PREPL: variants seen among roughly 807,000 people sequenced by gnomAD.
PREPL encodes prolyl endopeptidase-like.
PREPL carries 77 observed loss-of-function variants against 70.6 expected under a neutral mutation model. The ratio of observed to expected loss-of-function variants is 1.09; its 90% CI spans 0.91 to 1.32. The LOEUF (loss-of-function observed/expected upper bound fraction) is 1.32, where lower values mean the gene tolerates loss of function less well. PREPL is among the 40% of genes most tolerant of loss of function. The pLI, the probability that PREPL is intolerant of heterozygous loss-of-function variation, is 0.00. For missense variants in PREPL, 1,002 were observed against 778.2 expected, an observed-to-expected ratio of 1.29 and a Z score of -3.42; for synonymous variants, 315 against 264.8, an observed-to-expected ratio of 1.19 and a Z score of -1.84.
chr2:44,338,461 C>A lies in PREPL; in HGVS notation c.778G>T (p.Val260Leu), dbSNP rs1674865285. 1 of 1,612,794 alleles carries A rather than the reference C, an allele frequency of 6.2e-7. No homozygotes were observed. Among genetic ancestry groups the A allele is most frequent in the South Asian group, 1.1e-5 (1 of 90,846 alleles). ...LFFTMKRNTK[V>L]IDLDMFKDHC... ...TCCTTAAACATGTCCAAGTCTATCACTTTTGTATTTCTCTTCATTGTAAAA... is the reference window on the plus strand; with the variant it reads ...TCCTTAAACATGTCCAAGTCTATCAATTTTGTATTTCTCTTCATTGTAAAA... The change falls in exon 7 of 14, where the codon GTG (valine) becomes TTG (leucine). Residue 260 changes from valine (V) to leucine (L), a missense_variant. Transcript: ENST00000409411.
At chr2:44,361,520 T>C (rs75295176), upstream of PREPL, 3,972 of 153,730 alleles carry the variant, frequency 0.026, 190 homozygotes, top group African/African-American at 0.091. Context: ...GAACGACAAC[T>C]TACCCAGAGC....
At chr2:44,327,327 GTCATTGC>G (rs1673614294) in intron 9 of PREPL, among the ~76,000 whole-genome samples, 1 of 152,166 alleles carries the variant, frequency 6.6e-6, no homozygotes, top group African/African-American at 2.4e-5. Flanking sequence ...GCAATGTGGT[GTCATTGC>G]TACAATACAA....
Position 44,352,196 on chromosome 2 carries a change from C to CTT in PREPL, c.-48-5808_-48-5807dup, listed in dbSNP as rs915040473. On this transcript the variant is annotated intron_variant, in intron 1 of 13. Transcript: ENST00000409411. ...CACTGCCTATTCACATCTTCCCCGT[C>CTT]TTTTTTTTCTTTTCTTCTTCGCCAT... is the stretch of plus-strand genomic sequence containing the variant. Among the ~76,000 whole-genome samples, 8 of 152,102 alleles carry CTT rather than the reference C, an allele frequency of 5.3e-5. 1 individual carries two copies. The South Asian group carries it at 1.7e-3, about 32-fold the overall frequency.
chr2:44,353,991 T>C (rs1386528892), intron 1 of PREPL, among the ~76,000 whole-genome samples: 1 of 151,978 alleles, frequency 6.6e-6, no homozygotes, highest in African/African-American at 2.4e-5. Context: ...TGAGACCCTG[T>C]CTCCACACAC....
chr2:44,326,726 C>T lies in PREPL; in HGVS notation c.1465G>A (p.Ala489Thr), dbSNP rs917347985. Residue 489 changes from alanine (A) to threonine (T), a missense_variant, in exon 10 of 14, where the codon GCG (alanine) becomes ACG (threonine). Coordinates refer to ENST00000409411, the MANE Select transcript of PREPL (RefSeq NM_001171613.2). Reference sequence around the variant, plus strand: ...AGCGTACTCACCTCCAAAGTCACCGCTCTCACCAGCTCTGGATTAGAATTA... The same window carrying T: ...AGCGTACTCACCTCCAAAGTCACCGTTCTCACCAGCTCTGGATTAGAATTA... ...LCNSNPELVR[A>T]VTLEAPFLDV... is the part of the protein sequence containing the mutation. 6.2e-7 allele frequency: 1 copy of T among 1,613,646 alleles called. No individual in the cohort carries two copies. Among genetic ancestry groups the T allele is most frequent in the African/African-American group, 1.3e-5 (1 of 74,888 alleles).
intron 1 of PREPL, among the ~76,000 whole-genome samples, chr2:44,349,560 G>C (rs1041962226): frequency 1.3e-5 from 2 of 152,102 alleles, no homozygotes; most frequent in Non-Finnish European, 2.9e-5. Flanking sequence ...AGAAAGGTAA[G>C]AAAATTAATT....
In PREPL at chr2:44,320,882, A is replaced by G. The variant is rs1672884433; in HGVS notation, c.*474T>C. 3.8e-6 allele frequency: 2 copies of G among 530,026 alleles called. No individual in the cohort carries two copies. The highest frequency in any genetic ancestry group is 2.2e-5 in the South Asian group (1 of 46,210). The allele number at this position is 530,026 out of a possible 1,614,324, so 32.8% of individuals were successfully genotyped here. On this transcript the variant is annotated 3_prime_UTR_variant, in exon 14 of 14. Coordinates refer to ENST00000409411, the MANE Select transcript of PREPL (RefSeq NM_001171613.2). ...GATAGCATCAATCAGGGATGACCAG[A>G]ACACATTAGGACCCCAGATTATTCA...
chr2:44,322,518 T>G (rs1024414719), intron 12 of PREPL, among the ~76,000 whole-genome samples: 8 of 152,272 alleles, frequency 5.3e-5, no homozygotes, highest in African/African-American at 1.9e-4. Context: ...GCCTATCTAT[T>G]TTAATACTGT....
In PREPL at chr2:44,319,434, AAATG is replaced by A. The variant is rs1250548791; in HGVS notation, c.*1918_*1921del. 1 of 152,522 alleles carries A rather than the reference AAATG, an allele frequency of 6.6e-6. No homozygotes were observed. The highest frequency in any genetic ancestry group is 1.5e-5 in the Non-Finnish European group (1 of 68,054). The allele number at this position is 152,522 out of a possible 1,614,324, so 9.4% of individuals were successfully genotyped here. ...CAAAATATTAGAAACACTATCGTCA[AAATG>A]AAAGGGCATGGCTGAGTATGGTACA... is the stretch of plus-strand genomic sequence containing the variant. On this transcript the variant is annotated 3_prime_UTR_variant, in exon 14 of 14. Transcript: ENST00000409411.
rs1672687358 is a variant in PREPL at position 44,319,002 on chromosome 2, T to C, written c.*2354A>G. On this transcript the variant is annotated 3_prime_UTR_variant, in exon 14 of 14. Transcript: ENST00000409411. The stretch of plus-strand genomic sequence containing the variant: ...TCAAGTAGACAATAATAGCTAACAC[T>C]TACCGGGCACTTCTTATGTGAGTGG... 6.6e-6 allele frequency: 1 copy of C among 152,226 alleles called. No homozygotes were observed. The highest frequency in any genetic ancestry group is 2.1e-4 in the South Asian group (1 of 4,834). 9.4% of individuals were successfully genotyped at this position (152,226 alleles called of 1,614,324 possible). A position where few individuals can be genotyped will look rare whatever the true frequency, so the allele number is the denominator to read the frequency against.
intron 10 of PREPL, among the ~76,000 whole-genome samples, chr2:44,325,632 T>C (rs1673418326): frequency 6.6e-6 from 1 of 152,118 alleles, no homozygotes; most frequent in Admixed American, 6.5e-5. Flanking sequence ...CTAGTTGCTT[T>C]GTCTTTAAAC....
intron 2 of PREPL, among the ~76,000 whole-genome samples, chr2:44,345,336 T>C (rs897642371): frequency 1.3e-5 from 2 of 152,050 alleles, no homozygotes; most frequent in Non-Finnish European, 2.9e-5. Flanking sequence ...TCCAATCTTA[T>C]TGAAAAATTC....
chr2:44,357,118 T>A (rs1472044684), intron 1 of PREPL, among the ~76,000 whole-genome samples: 1 of 152,222 alleles, frequency 6.6e-6, no homozygotes, highest in Non-Finnish European at 1.5e-5. Context: ...AACTCCCTAT[T>A]TTTTTCAGTC....
At position 44,320,109 on chromosome 2, in the gene PREPL, T is replaced by C; in HGVS notation, c.*1247A>G. On this transcript the variant is annotated 3_prime_UTR_variant, in exon 14 of 14. Coordinates refer to ENST00000409411, the MANE Select transcript of PREPL (RefSeq NM_001171613.2). ...AGGGGCAAAATTGGAGCAAGTGTTT[T>C]GGGTAAATAACTCCTTACAATATAT... 4 of 1,171,670 alleles carry C rather than the reference T, an allele frequency of 3.4e-6. No individual in the cohort carries two copies. Among genetic ancestry groups the C allele is most frequent in the Non-Finnish European group, 2.4e-6 (2 of 827,738 alleles). The allele number at this position is 1,171,670 out of a possible 1,614,324, so 72.6% of individuals were successfully genotyped here. A position where few individuals can be genotyped will look rare whatever the true frequency, so the allele number is the denominator to read the frequency against.
chr2:44,324,844 G>C (rs1339957681), intron 10 of PREPL, among the ~76,000 whole-genome samples: 1 of 152,058 alleles, frequency 6.6e-6, no homozygotes, highest in Non-Finnish European at 1.5e-5. Context: ...CTGTGTTCGT[G>C]TGCCATTGCA....
At chr2:44,356,887 C>G (rs1677106239) in intron 1 of PREPL, among the ~76,000 whole-genome samples, 1 of 141,244 alleles carries the variant, frequency 7.1e-6, no homozygotes, top group African/African-American at 2.5e-5. Flanking sequence ...TCACTGCAGC[C>G]TCGACCTCCC....
rs1342027675 is a variant in PREPL, at chr2:44,326,864, G to A, written c.1327C>T (p.Leu443Phe). 2.5e-6 allele frequency: 4 copies of A among 1,614,124 alleles called. No homozygotes were observed. Among genetic ancestry groups the A allele is most frequent in the Admixed American group, 1.7e-5 (1 of 60,020 alleles). The stretch of plus-strand genomic sequence containing the variant: ...TTAATGCAAGCCTCTAAATCAGCAA[G>A]GCCATTGAGTTTTTTAGTTAGGCGG... ...DGRLTKKLNG[L>F]ADLEACIKTL... The change falls in exon 10 of 14, where the codon CTT (leucine) becomes TTT (phenylalanine). Residue 443 changes from leucine to phenylalanine, a missense_variant. Coordinates refer to ENST00000409411, the MANE Select transcript of PREPL (RefSeq NM_001171613.2).
At chr2:44,322,326 G>A (rs1464599351) in intron 12 of PREPL, among the ~76,000 whole-genome samples, 4 of 152,142 alleles carry the variant, frequency 2.6e-5, no homozygotes, top group African/African-American at 7.2e-5. Flanking sequence ...GCTAGCTAGA[G>A]GAAATTCATG....
rs747536626 is a variant in PREPL at position 44,332,448 on chromosome 2, A to G, written c.1086+11T>C. On this transcript the variant is annotated intron_variant, in intron 8 of 13. Transcript: ENST00000409411. ...TAAATGGGAGCTGAAAGTGAAGATT[A>G]TAAGACCTACCTTGCTTTTGGCTTC... 3.0e-5 allele frequency: 48 copies of G among 1,604,726 alleles called. No homozygotes were observed. In the East Asian group the frequency reaches 1.0e-3, roughly 34 times the overall value.
Sources: allele counts gnomAD v4.1 joint callset (sites outside exome capture counted in the v4.1 genomes callset), GRCh38; gene constraint gnomAD v4.1.1; transcripts MANE v1.5; gene names NCBI Gene and HGNC (gene_info 2026-07-23, HGNC 2026-07-21).